CERKL: variants seen among roughly 807,000 people sequenced by gnomAD.
CERKL encodes the protein ceramide kinase-like protein.
In CERKL, 61 loss-of-function variants were observed where a neutral mutation model predicts 63.4. The observed-to-expected ratio is 0.96, with a 90% CI of 0.78 to 1.19. The LOEUF (loss-of-function observed/expected upper bound fraction) is 1.19, where lower values mean the gene tolerates loss of function less well. Among genes scored for constraint, CERKL ranks in the 50% most tolerant of loss-of-function variants. CERKL has a pLI of 0.00. For missense variants in CERKL, 675 were observed against 655.5 expected (o/e 1.03, Z -0.33); for synonymous variants, 250 against 230.5 (o/e 1.08, Z -0.77).
rs558110434 is a variant in CERKL at position 181,625,866 on chromosome 2, A to T, written c.239-21787T>A. On this transcript the variant is annotated intron_variant, in intron 1 of 12. Transcript: ENST00000410087. The stretch of plus-strand genomic sequence containing the variant: ...ACAGAAACTTACCCTGTGGTAAGAA[A>T]AATGATATTTAATTTAATCTAAAGT... Among the ~76,000 whole-genome samples, 3 of 152,382 alleles carry T rather than the reference A, an allele frequency of 2.0e-5. No homozygotes were observed. The South Asian group carries it at 6.2e-4, about 32-fold the overall frequency.
chr2:181,577,414 G>A (rs1438585622), intron 2 of CERKL, among the ~76,000 whole-genome samples: 1 of 152,068 alleles, frequency 6.6e-6, no homozygotes, highest in Non-Finnish European at 1.5e-5. Context: ...TGAGATGGAA[G>A]GAAGACATTA....
chr2:181,617,633 T>G (rs1056194336), intron 1 of CERKL, among the ~76,000 whole-genome samples: 1 of 152,150 alleles, frequency 6.6e-6, no homozygotes, highest in Non-Finnish European at 1.5e-5. Context: ...ATTATCAACA[T>G]TTAGAAACTG....
chr2:181,625,617 G>T (rs1461615544), intron 1 of CERKL, among the ~76,000 whole-genome samples: 1 of 152,112 alleles, frequency 6.6e-6, no homozygotes, highest in African/African-American at 2.4e-5. Flanking sequence ...TGAGAAAATG[G>T]CATCGTGTTC....
At chr2:181,656,377 G>A (rs1011319646) in intron 1 of CERKL, among the ~76,000 whole-genome samples, 9 of 152,160 alleles carry the variant, frequency 5.9e-5, no homozygotes, top group African/African-American at 1.2e-4. Context: ...CAAAGTTAAT[G>A]GATTAAAACT....
intron 1 of CERKL, among the ~76,000 whole-genome samples, chr2:181,648,919 C>T (rs919356357): frequency 3.9e-5 from 6 of 152,032 alleles, no homozygotes; most frequent in African/African-American, 1.4e-4. Flanking sequence ...GCAATTACAA[C>T]AGATACATAA....
At chr2:181,622,835 A>T (rs1448921580) in intron 1 of CERKL, among the ~76,000 whole-genome samples, 1 of 152,202 alleles carries the variant, frequency 6.6e-6, no homozygotes, top group East Asian at 1.9e-4. Context: ...TTTAAATACA[A>T]TTATGGTCCC....
chr2:181,635,552 T>C (rs1013837314), intron 1 of CERKL, among the ~76,000 whole-genome samples: 2 of 152,124 alleles, frequency 1.3e-5, no homozygotes, highest in African/African-American at 2.4e-5. Flanking sequence ...TGTCATCCCT[T>C]TACACCTTCA....
At chr2:181,580,008 G>GTC (rs1320835356) in intron 2 of CERKL, among the ~76,000 whole-genome samples, 4 of 151,700 alleles carry the variant, frequency 2.6e-5, no homozygotes, top group African/African-American at 9.7e-5. Flanking sequence ...AATAAGACTG[G>GTC]TCTCTCATTA....
chr2:181,597,804 T>C (rs1454796073), intron 2 of CERKL, among the ~76,000 whole-genome samples: 1 of 152,114 alleles, frequency 6.6e-6, no homozygotes, highest in Non-Finnish European at 1.5e-5. Context: ...ACATACCTCA[T>C]AACCTGTTCT....
intron 2 of CERKL, among the ~76,000 whole-genome samples, chr2:181,575,403 G>A (rs1356630312): frequency 2.6e-5 from 4 of 152,260 alleles, no homozygotes; most frequent in Non-Finnish European, 5.9e-5. Flanking sequence ...AAGGGCCAAG[G>A]GATTAAGATA....
At position 181,558,690 on chromosome 2, in the gene CERKL, T is replaced by C. The variant is rs1263402078; in HGVS notation, c.696A>G (p.Gly232=). The C allele has an allele frequency of 6.2e-7, 1 of 1,613,608 alleles. No individual in the cohort carries two copies. ...GGGCTACTTCGCTAGCAGATCCATC[T>C]CCACCAACACAGACAACACTAGAAA... is the stretch of plus-strand genomic sequence containing the variant. ...QGFDGVVCVG[G]DGSASEVAHA... is the part of the protein sequence containing the mutation. Residue 232 remains glycine, a synonymous_variant, in exon 5 of 13, where the codon GGA becomes GGG. Transcript: ENST00000410087. The surrounding 1 kb of genome is among the most constrained non-coding windows in gnomAD (Gnocchi z 4.2).
rs186648240 is a variant in CERKL, at chr2:181,572,635, C to T, written c.613+1118G>A. Among the ~76,000 whole-genome samples, 137 of 133,778 alleles carry T rather than the reference C, an allele frequency of 1.0e-3. 1 individual carries two copies. In the Middle Eastern group the frequency reaches 0.011, roughly 11 times the overall value. The allele number at this position is 133,778 out of a possible 152,430, so 87.8% of individuals were successfully genotyped here. Reference sequence around the variant, plus strand: ...ACTTGTAAATCACCTCTAAATAAGCCGAAGGTCACAAACATAAAGGTTAAC... The same window carrying T: ...ACTTGTAAATCACCTCTAAATAAGCTGAAGGTCACAAACATAAAGGTTAAC... On this transcript the variant is annotated intron_variant, in intron 3 of 12. Coordinates refer to ENST00000410087, the MANE Select transcript of CERKL (RefSeq NM_201548.5).
Position 181,616,803 on chromosome 2 carries a change from T to C in CERKL, c.239-12724A>G, listed in dbSNP as rs116318155. Among the ~76,000 whole-genome samples, 520 of 152,294 alleles carry C rather than the reference T, an allele frequency of 3.4e-3. 3 individuals carry two copies. The highest frequency in any genetic ancestry group is 0.011 in the African/African-American group (473 of 41,560). ...AATTTTCCTAGATCTCTACCATTAA[T>C]AAAAAGGTAGGTGTATACACATAGT... On this transcript the variant is annotated intron_variant, in intron 1 of 12. Transcript: ENST00000410087.
At chr2:181,590,767 T>A (rs1233790430) in intron 2 of CERKL, among the ~76,000 whole-genome samples, 1 of 152,210 alleles carries the variant, frequency 6.6e-6, no homozygotes, top group Admixed American at 6.5e-5. Flanking sequence ...TAAAAGTACT[T>A]AAAACATACA....
intron 1 of CERKL, among the ~76,000 whole-genome samples, chr2:181,634,044 T>C (rs1304254965): frequency 6.6e-6 from 1 of 152,122 alleles, no homozygotes; most frequent in Non-Finnish European, 1.5e-5. Context: ...AAAGTGTCAA[T>C]CAATGACAAA....
chr2:181,558,769 GA>G lies in CERKL; in HGVS notation c.678-62del. On this transcript the variant is annotated intron_variant, in intron 4 of 12. Transcript: ENST00000410087. This position sits in a 1 kb window ranked among gnomAD's most constrained non-coding sequence, Gnocchi z 4.2. ...TTCAGAATGATTGGTAATAAGTCATGAAATCTAGACTTCAAAATAGTTTACT... is the reference window on the plus strand; with the variant it reads ...TTCAGAATGATTGGTAATAAGTCATGAATCTAGACTTCAAAATAGTTTACT... 1 of 1,548,728 alleles carries G rather than the reference GA, an allele frequency of 6.5e-7. No individual in the cohort carries two copies. Among genetic ancestry groups the G allele is most frequent in the Non-Finnish European group, 8.9e-7 (1 of 1,122,752 alleles).
At chr2:181,647,074 A>T (rs1027916429) in intron 1 of CERKL, among the ~76,000 whole-genome samples, 87 of 152,340 alleles carry the variant, frequency 5.7e-4, no homozygotes, top group African/African-American at 2.0e-3. Flanking sequence ...AAGGCTAAAA[A>T]CCAAAGAAAG....
chr2:181,589,823 T>G (rs545087841), intron 2 of CERKL, among the ~76,000 whole-genome samples: 4 of 152,120 alleles, frequency 2.6e-5, no homozygotes, highest in Non-Finnish European at 5.9e-5. Context: ...ACAAAAGGTA[T>G]GTATGTATGT....
chr2:181,565,255 C>A (rs1459278927), intron 4 of CERKL, among the ~76,000 whole-genome samples: 1 of 152,154 alleles, frequency 6.6e-6, no homozygotes, highest in Non-Finnish European at 1.5e-5. Context: ...CTGCCCATCA[C>A]CATGTAACAC....
Sources: allele counts gnomAD v4.1 joint callset (sites outside exome capture counted in the v4.1 genomes callset), GRCh38; gene constraint gnomAD v4.1.1; non-coding constraint Gnocchi (gnomAD v3.1); transcripts MANE v1.5; gene names NCBI Gene and HGNC (gene_info 2026-07-23, HGNC 2026-07-21).